Variants in PRKAA2 observed in about 807,000 individuals in gnomAD.
The protein encoded by PRKAA2 is protein kinase AMP-activated catalytic subunit alpha 2.
In PRKAA2, 40 loss-of-function variants were observed where a neutral mutation model predicts 56.3. That is an observed-to-expected ratio of 0.71 (90% CI 0.55 to 0.92). The LOEUF is 0.92. Among genes scored for constraint, PRKAA2 ranks in the 40% least tolerant of loss-of-function variants. The pLI is 0.00. For missense variants in PRKAA2, 542 were observed against 686.9 expected, an observed-to-expected ratio of 0.79 and a Z score of 2.36; for synonymous variants, 214 against 234.2, an observed-to-expected ratio of 0.91 and a Z score of 0.79.
intron 1 of PRKAA2, among the ~76,000 whole-genome samples, chr1:56,656,948 A>G (rs973371129): frequency 1.2e-4 from 19 of 152,206 alleles, no homozygotes; most frequent in African/African-American, 4.6e-4. Context: ...TAATTCCAGA[A>G]GAAGAGGACA....
chr1:56,652,340 AGAG>A (rs1452759041), intron 1 of PRKAA2, among the ~76,000 whole-genome samples: 1 of 151,956 alleles, frequency 6.6e-6, no homozygotes, highest in Non-Finnish European at 1.5e-5. Context: ...TATTTTTGGT[AGAG>A]ACAGGGTTTC....
intron 1 of PRKAA2, among the ~76,000 whole-genome samples, chr1:56,669,868 T>C (rs1050194466): frequency 6.6e-6 from 1 of 152,212 alleles, no homozygotes; most frequent in Non-Finnish European, 1.5e-5. Context: ...GGAGAGTCTA[T>C]TGACAGTTCC....
chr1:56,652,296 C>G (rs942559384), intron 1 of PRKAA2, among the ~76,000 whole-genome samples: 4 of 151,980 alleles, frequency 2.6e-5, no homozygotes, highest in Admixed American at 6.6e-5. Context: ...AAGGCGTGAG[C>G]TATTGCGCCC....
intron 7 of PRKAA2, among the ~76,000 whole-genome samples, chr1:56,705,736 A>G (rs1343700517): frequency 6.6e-6 from 1 of 152,190 alleles, no homozygotes; most frequent in African/African-American, 2.4e-5. Flanking sequence ...ATCCATGAAC[A>G]TGTTCAGGCA....
intron 2 of PRKAA2, among the ~76,000 whole-genome samples, chr1:56,677,742 C>T (rs994677026): frequency 2.0e-5 from 3 of 151,264 alleles, no homozygotes; most frequent in Non-Finnish European, 1.5e-5. Context: ...CTGCAACCTT[C>T]GCTTCCCAGA....
At chr1:56,648,201 A>C (rs1409442347) in intron 1 of PRKAA2, among the ~76,000 whole-genome samples, 1 of 152,190 alleles carries the variant, frequency 6.6e-6, no homozygotes, top group Non-Finnish European at 1.5e-5. Context: ...AAGATTCTTT[A>C]TACCCATTCA....
chr1:56,691,744 A>C (rs969042483), intron 3 of PRKAA2, among the ~76,000 whole-genome samples: 1 of 152,226 alleles, frequency 6.6e-6, no homozygotes, highest in Non-Finnish European at 1.5e-5. Context: ...AATCATGTTG[A>C]AGATCAGTTA....
rs1458958059 is a variant in PRKAA2, at chr1:56,658,016, G to C, written c.94+12535G>C. Among the ~76,000 whole-genome samples, 4 of 152,110 alleles carry C rather than the reference G, an allele frequency of 2.6e-5. No individual in the cohort carries two copies. In the East Asian group the frequency reaches 7.7e-4, roughly 29 times the overall value. On this transcript the variant is annotated intron_variant, in intron 1 of 8. Coordinates refer to ENST00000371244, the MANE Select transcript of PRKAA2 (RefSeq NM_006252.4). Reference sequence around the variant, plus strand: ...AGGAATGAAATGCAAGAACAGAAAAGATATGAGAAAAAGTAGAGTTATAGT... The same window carrying C: ...AGGAATGAAATGCAAGAACAGAAAACATATGAGAAAAAGTAGAGTTATAGT...
chr1:56,667,361 C>T (rs1028020903), intron 1 of PRKAA2, among the ~76,000 whole-genome samples: 1 of 152,112 alleles, frequency 6.6e-6, no homozygotes, highest in Non-Finnish European at 1.5e-5. Context: ...AATGCCATTC[C>T]AACTGGAAGG....
At chr1:56,662,630 T>G (rs1024556021) in intron 1 of PRKAA2, among the ~76,000 whole-genome samples, 1 of 152,170 alleles carries the variant, frequency 6.6e-6, no homozygotes, top group South Asian at 2.1e-4. Flanking sequence ...CAAGATACTT[T>G]TGTAAGCAAT....
chr1:56,662,076 G>C (rs1569723223), intron 1 of PRKAA2, among the ~76,000 whole-genome samples: 1 of 152,018 alleles, frequency 6.6e-6, no homozygotes, highest in Non-Finnish European at 1.5e-5. Flanking sequence ...TATCTTTTTT[G>C]TTGTTACTGA....
rs1266934931 is a variant in PRKAA2 at position 56,714,859 on chromosome 1, A to G, written c.*7146A>G. 1 of 152,160 alleles carries G rather than the reference A, an allele frequency of 6.6e-6. No homozygotes were observed. Among genetic ancestry groups the G allele is most frequent in the African/African-American group, 2.4e-5 (1 of 41,460 alleles). The allele number at this position is 152,160 out of a possible 1,614,324, so 9.4% of individuals were successfully genotyped here. A position where few individuals can be genotyped will look rare whatever the true frequency, so the allele number is the denominator to read the frequency against. On this transcript the variant is annotated 3_prime_UTR_variant, in exon 9 of 9. Coordinates refer to ENST00000371244, the MANE Select transcript of PRKAA2 (RefSeq NM_006252.4). ...AATCATAATATAGGATATAATATTT[A>G]CTTTTTTTCAAAAACATCCTGCATT...
chr1:56,666,484 A>C (rs1644037029), intron 1 of PRKAA2, among the ~76,000 whole-genome samples: 1 of 152,204 alleles, frequency 6.6e-6, no homozygotes, highest in African/African-American at 2.4e-5. Flanking sequence ...CTTCATTTGA[A>C]AGACAAATGA....
At chr1:56,693,699 T>C in intron 4 of PRKAA2, 66 bp from the exon 5 acceptor site, 2 of 1,182,534 alleles carry the variant, frequency 1.7e-6, no homozygotes, top group Non-Finnish European at 2.4e-6. Flanking sequence ...ATTTTGCTCA[T>C]ATTTATATGA....
In PRKAA2 at chr1:56,674,387, A is replaced by G. The variant is rs1296094303; in HGVS notation, c.101A>G (p.Glu34Gly). 3 of 1,548,060 alleles carry G rather than the reference A, an allele frequency of 1.9e-6. No homozygotes were observed. In the South Asian group the frequency reaches 3.7e-5, roughly 19 times the overall value. Residue 34 changes from glutamate to glycine, a missense_variant, in exon 2 of 9, where the codon GAA becomes GGA. This residue lies in a region of PRKAA2 where 59 missense variants were observed against 53.9 expected (regional missense o/e 1.09). Transcript: ENST00000371244. ...TCCTTTTTCTTTTCTTTAGTTGGAG[A>G]ACATCAATTAACAGGCCATAAAGTG... is the stretch of plus-strand genomic sequence containing the variant. ...VGTFGKVKIG[E>G]HQLTGHKVAV... is the part of the protein sequence containing the mutation.
intron 2 of PRKAA2, among the ~76,000 whole-genome samples, chr1:56,681,235 C>A (rs1478134874): frequency 6.6e-6 from 1 of 152,052 alleles, no homozygotes; most frequent in Non-Finnish European, 1.5e-5. Flanking sequence ...TTGTTAAGTT[C>A]TTTGTAGATT....
At position 56,710,476 on chromosome 1, in the gene PRKAA2, A is replaced by G. The variant is rs1644362646; in HGVS notation, c.*2763A>G. The G allele has an allele frequency of 6.6e-6, 1 of 152,276 alleles. No individual in the cohort carries two copies. Among genetic ancestry groups the G allele is most frequent in the Middle Eastern group, 3.4e-3 (1 of 294 alleles). The allele number at this position is 152,276 out of a possible 1,614,324, so 9.4% of individuals were successfully genotyped here. On this transcript the variant is annotated 3_prime_UTR_variant, in exon 9 of 9. Coordinates refer to ENST00000371244, the MANE Select transcript of PRKAA2 (RefSeq NM_006252.4). ...AATTTTTCATTTTAAAAAACTTAAT[A>G]GCCCATGAAAAGCAAATTTGGGAAA...
chr1:56,651,236 G>A (rs11206887), intron 1 of PRKAA2, among the ~76,000 whole-genome samples: 119,535 of 152,182 alleles, frequency 0.79, 47,471 homozygotes, highest in Non-Finnish European at 0.84. Context: ...GAGTTCCTGA[G>A]TCTGAAATGT....
chr1:56,669,236 A>T lies in PRKAA2; in HGVS notation c.95-5145A>T, dbSNP rs889202412. Among the ~76,000 whole-genome samples the T allele has an allele frequency of 2.0e-5, 3 of 152,158 alleles. No homozygotes were observed. In the South Asian group the frequency reaches 6.2e-4, roughly 32 times the overall value. ...CACTTTGGGAGGCTAAGGCAGGCAG[A>T]TCACCTGAGGTCAGGAGTTCCAGAC... On this transcript the variant is annotated intron_variant, in intron 1 of 8. Coordinates refer to ENST00000371244, the MANE Select transcript of PRKAA2 (RefSeq NM_006252.4).
Sources: allele counts gnomAD v4.1 joint callset (sites outside exome capture counted in the v4.1 genomes callset), GRCh38; gene constraint gnomAD v4.1.1; regional missense constraint gnomAD v4.1.1; transcripts MANE v1.5; gene names NCBI Gene and HGNC (gene_info 2026-07-23, HGNC 2026-07-21).